APBB1IP: variants seen among roughly 807,000 people sequenced by gnomAD.
The protein encoded by APBB1IP is amyloid beta A4 precursor protein-binding family B member 1-interacting protein.
APBB1IP carries 27 observed loss-of-function variants against 64.9 expected under a neutral mutation model. The ratio of observed to expected loss-of-function variants is 0.42; its 90% CI spans 0.31 to 0.57. The LOEUF is 0.57. Among genes scored for constraint, APBB1IP ranks in the 20% least tolerant of loss-of-function variants. The pLI is 0.20. For synonymous variants in APBB1IP, 392 were observed against 331.0 expected (o/e 1.18, Z -2.00); for missense variants, 812 against 845.5 (o/e 0.96, Z 0.49).
intron 7 of APBB1IP, 39 bp from the exon 8 acceptor site, chr10:26,513,500 G>T (rs775507164): frequency 6.2e-7 from 1 of 1,607,670 alleles, no homozygotes; most frequent in South Asian, 1.1e-5. Context: ...AAACCCTGAT[G>T]TCTTGGGTCT....
intron 5 of APBB1IP, chr10:26,501,383 T>C (rs1315419436): frequency 1.9e-6 from 1 of 539,492 alleles, no homozygotes; most frequent in Non-Finnish European, 3.3e-6. Flanking sequence ...TAAAACTCAA[T>C]CTTTTGGGGG....
At chr10:26,438,906 C>T (rs1337303410) in intron 2 of APBB1IP, 53 bp downstream of exon 2, 1 of 152,178 alleles carries the variant, frequency 6.6e-6, no homozygotes, top group African/African-American at 2.4e-5. Context: ...ACGGGCCCCT[C>T]GGGGCTGTCA....
chr10:26,551,927 G>GTGGATGGA (rs59758757), intron 11 of APBB1IP, among the ~76,000 whole-genome samples: 17 of 150,090 alleles, frequency 1.1e-4, no homozygotes, highest in Middle Eastern at 3.4e-3. Flanking sequence ...AGATGGGTGG[G>GTGGATGGA]TGGATGGATG....
intron 2 of APBB1IP, among the ~76,000 whole-genome samples, chr10:26,486,488 G>C (rs56901144): frequency 6.6e-6 from 1 of 152,130 alleles, no homozygotes; most frequent in East Asian, 1.9e-4. Context: ...AAGTTAAGGC[G>C]CATGGGAAGA....
intron 2 of APBB1IP, among the ~76,000 whole-genome samples, chr10:26,483,739 G>C (rs1012229670): frequency 3.3e-5 from 5 of 152,036 alleles, no homozygotes; most frequent in Non-Finnish European, 2.9e-5. Context: ...TTGAGTCAGG[G>C]TCTTGCTCTT....
chr10:26,512,605 T>TTGG (rs997714300), intron 7 of APBB1IP, among the ~76,000 whole-genome samples: 10 of 152,146 alleles, frequency 6.6e-5, no homozygotes, highest in African/African-American at 2.4e-4. Flanking sequence ...TTACTTATTC[T>TTGG]TGGTGGTGGT....
At chr10:26,482,911 CTCTT>C (rs1039609172) in intron 2 of APBB1IP, among the ~76,000 whole-genome samples, 3 of 125,612 alleles carry the variant, frequency 2.4e-5, no homozygotes, top group Non-Finnish European at 4.8e-5. Flanking sequence ...CATGGTGAAA[CTCTT>C]TCTCAAGTGA....
intron 2 of APBB1IP, among the ~76,000 whole-genome samples, chr10:26,476,462 AAAAG>A (rs1287263857): frequency 6.7e-6 from 1 of 148,786 alleles, no homozygotes; most frequent in African/African-American, 2.5e-5. Context: ...AAAAAAAAAA[AAAAG>A]AAGAAAAGAA....
intron 8 of APBB1IP, among the ~76,000 whole-genome samples, chr10:26,515,038 A>ATTTT (rs10668002): frequency 2.2e-4 from 29 of 133,024 alleles, no homozygotes; most frequent in Admixed American, 5.5e-4. Context: ...CCCCCGGCTA[A>ATTTT]TTTTTTTTTT....
At chr10:26,514,538 A>G (rs898449737) in intron 8 of APBB1IP, among the ~76,000 whole-genome samples, 3 of 152,206 alleles carry the variant, frequency 2.0e-5, no homozygotes, top group African/African-American at 7.2e-5. Flanking sequence ...GTGTACAAGC[A>G]TGTCCAGGAT....
chr10:26,458,482 A>C (rs1243251322), intron 2 of APBB1IP, among the ~76,000 whole-genome samples: 1 of 152,176 alleles, frequency 6.6e-6, no homozygotes. Context: ...TTTTCTGGAA[A>C]GATCCATGAA....
intron 8 of APBB1IP, among the ~76,000 whole-genome samples, chr10:26,522,017 C>A (rs551856051): frequency 6.6e-6 from 1 of 152,248 alleles, no homozygotes; most frequent in East Asian, 1.9e-4. Flanking sequence ...TCCCAAAGTG[C>A]TGATATTACA....
rs191294182 is a variant in APBB1IP at position 26,546,021 on chromosome 10, G to A, written c.1155+4329G>A. Among the ~76,000 whole-genome samples the A allele has an allele frequency of 7.9e-5, 12 of 152,246 alleles. No homozygotes were observed. In the East Asian group the frequency reaches 2.1e-3, roughly 27 times the overall value. On this transcript the variant is annotated intron_variant, in intron 11 of 14. Coordinates refer to ENST00000376236, the MANE Select transcript of APBB1IP (RefSeq NM_019043.4). ...CAGGCTAAAGTTTATTCTTCAATAT[G>A]AGCTTGATGACTATGGCTGTTCATG...
intron 3 of APBB1IP, among the ~76,000 whole-genome samples, chr10:26,493,847 T>C (rs1656657849): frequency 6.6e-6 from 1 of 152,120 alleles, no homozygotes; most frequent in South Asian, 2.1e-4. Context: ...ATTTTGGGGT[T>C]TTCTTGAGAG....
In APBB1IP at chr10:26,468,757, C is replaced by T. The variant is rs554927477; in HGVS notation, c.1-23570C>T. Among the ~76,000 whole-genome samples, 5 of 152,342 alleles carry T rather than the reference C, an allele frequency of 3.3e-5. No individual in the cohort carries two copies. The East Asian group carries it at 7.7e-4, about 23-fold the overall frequency. ...AGTCTCTGCAAGCCCAGCTCATCGG[C>T]TCTTTCTGGCTTGTTCCTGCTCCTG... On this transcript the variant is annotated intron_variant, in intron 2 of 14. Coordinates refer to ENST00000376236, the MANE Select transcript of APBB1IP (RefSeq NM_019043.4).
intron 11 of APBB1IP, among the ~76,000 whole-genome samples, chr10:26,557,479 C>T (rs1025227330): frequency 2.0e-5 from 3 of 152,166 alleles, no homozygotes; most frequent in Non-Finnish European, 4.4e-5. Context: ...TCCTCAGTTG[C>T]CTGAAAAGAC....
chr10:26,541,502 A>C, intron 10 of APBB1IP, 80 bp from the exon 11 acceptor site: 1 of 839,888 alleles, frequency 1.2e-6, no homozygotes. Flanking sequence ...TATAATCCTT[A>C]GTTGTGCTAT....
chr10:26,515,808 A>T (rs567064119), intron 8 of APBB1IP, among the ~76,000 whole-genome samples: 1 of 151,950 alleles, frequency 6.6e-6, no homozygotes, highest in South Asian at 2.1e-4. Context: ...TCCATATCCC[A>T]TTAGGCTGGA....
chr10:26,464,273 C>T (rs941542525), intron 2 of APBB1IP, among the ~76,000 whole-genome samples: 1 of 152,166 alleles, frequency 6.6e-6, no homozygotes, highest in Admixed American at 6.6e-5. Context: ...TATATAGTCA[C>T]CCCCACTATT....
Sources: gnomAD v4.1 joint callset for allele counts (sites outside exome capture counted in the v4.1 genomes callset) on GRCh38, gnomAD v4.1.1 for gene constraint, MANE v1.5 for transcripts, NCBI Gene and HGNC (gene_info 2026-07-23, HGNC 2026-07-21) for gene names.